BMP7: variants seen among roughly 807,000 people sequenced by gnomAD.
BMP7 encodes the protein osteogenic protein 1.
BMP7 carries 12 observed loss-of-function variants against 41.2 expected under a neutral mutation model. That is an observed-to-expected ratio of 0.29 (90% CI 0.19 to 0.47). BMP7 has a LOEUF of 0.47. BMP7 is among the 20% of genes least tolerant of loss of function. The pLI is 0.99. For missense variants in BMP7, 467 were observed against 606.0 expected (o/e 0.77, Z 2.41); for synonymous variants, 248 against 250.0 (o/e 0.99, Z 0.07).
At chr20:57,216,775 CGAG>C (rs1426144719) in intron 2 of BMP7, among the ~76,000 whole-genome samples, 5 of 152,128 alleles carry the variant, frequency 3.3e-5, no homozygotes, top group African/African-American at 7.2e-5. Context: ...TCCATCTCTC[CGAG>C]GAGGAGTGGA....
rs966631721 is a variant in BMP7 at position 57,176,730 on chromosome 20, A to G, written c.959-1723T>C. ...CTAGCCCACTTGTTAGGGAAATTTG[A>G]AACTACGCACATTCTCCATTCACAC... On this transcript the variant is annotated intron_variant, in intron 4 of 6. Transcript: ENST00000395863. Among the ~76,000 whole-genome samples the G allele has an allele frequency of 3.5e-4, 49 of 138,746 alleles. 1 individual carries two copies. Among genetic ancestry groups the G allele is most frequent in the Non-Finnish European group, 7.1e-4 (46 of 64,790 alleles). 91.0% of individuals were successfully genotyped at this position (138,746 alleles called of 152,430 possible). A position where few individuals can be genotyped will look rare whatever the true frequency, so the allele number is the denominator to read the frequency against.
rs1983790415 is a variant in BMP7, at chr20:57,170,519, A to G, written c.*440T>C. 3.6e-6 allele frequency: 1 copy of G among 274,202 alleles called. No individual in the cohort carries two copies. Among genetic ancestry groups the G allele is most frequent in the East Asian group, 9.3e-5 (1 of 10,748 alleles). 17.0% of individuals were successfully genotyped at this position (274,202 alleles called of 1,614,324 possible). A position where few individuals can be genotyped will look rare whatever the true frequency, so the allele number is the denominator to read the frequency against. On this transcript the variant is annotated 3_prime_UTR_variant, in exon 7 of 7. Coordinates refer to ENST00000395863, the MANE Select transcript of BMP7 (RefSeq NM_001719.3). Reference sequence around the variant, plus strand: ...ATTTTCATTCATTCGTTTTATTGTGACATTTATTACAGGAACTTCCGGGTC... The same window carrying G: ...ATTTTCATTCATTCGTTTTATTGTGGCATTTATTACAGGAACTTCCGGGTC...
chr20:57,223,728 C>G (rs1172320685), intron 2 of BMP7, among the ~76,000 whole-genome samples: 2 of 152,248 alleles, frequency 1.3e-5, no homozygotes, highest in Non-Finnish European at 2.9e-5. Context: ...ACAGTAAGCA[C>G]CACGCAACAA....
intron 2 of BMP7, among the ~76,000 whole-genome samples, chr20:57,204,951 G>A (rs1984698087): frequency 6.6e-6 from 1 of 152,234 alleles, no homozygotes; most frequent in African/African-American, 2.4e-5. Flanking sequence ...GGGATGGATT[G>A]GTGTCTTTAT....
rs201575559 is a variant in BMP7 at position 57,228,391 on chromosome 20, C to T, written c.449G>A (p.Arg150His). Reference protein sequence around the residue: ...VEHDKEFFHPRYHHREFRFDL... With the variant: ...VEHDKEFFHPHYHHREFRFDL... ...AAACCGGAACTCTCGATGGTGGTAG[C>T]GTGGGTGGAAGAATTCCTTGTCATG... is the stretch of plus-strand genomic sequence containing the variant. The change falls in exon 2 of 7, where the codon CGC becomes CAC. Residue 150 changes from arginine to histidine, a missense_variant. Arg to His is a conservative substitution (Grantham distance 29, BLOSUM62 0). Around this residue, in one of 2 missense-constraint regions of BMP7, gnomAD observed 407 missense variants for 485.9 expected, o/e 0.84. Transcript: ENST00000395863. The surrounding 1 kb of genome is among the most constrained non-coding windows in gnomAD (Gnocchi z 4.5). The T allele has an allele frequency of 5.1e-5, 82 of 1,614,120 alleles. No individual in the cohort carries two copies. The highest frequency in any genetic ancestry group is 2.0e-5 in the Non-Finnish European group (24 of 1,180,010).
rs375361238 is a variant in BMP7 at position 57,172,521 on chromosome 20, G to C, written c.1146+679C>G. 2.6e-4 allele frequency among the ~76,000 whole-genome samples: 40 copies of C among 152,276 alleles called. No homozygotes were observed. In the East Asian group the frequency reaches 6.0e-3, roughly 23 times the overall value. ...CTGTCACTAGAAGCATTCAAGGCAG[G>C]GTGGATGATCAGTAGGCAGGAAAGG... On this transcript the variant is annotated intron_variant, in intron 6 of 6. Transcript: ENST00000395863.
At chr20:57,177,916 G>C (rs1983970967) in intron 4 of BMP7, 1 of 152,226 alleles carries the variant, frequency 6.6e-6, no homozygotes, top group Non-Finnish European at 1.5e-5. Flanking sequence ...CTGCTTCCTG[G>C]TGTGCAGGCA....
intron 1 of BMP7, among the ~76,000 whole-genome samples, chr20:57,264,174 A>G (rs559473076): frequency 5.3e-5 from 8 of 152,330 alleles, no homozygotes; most frequent in African/African-American, 9.6e-5. Context: ...ATTATTAAGT[A>G]CAGACAATGG....
intron 2 of BMP7, among the ~76,000 whole-genome samples, chr20:57,205,679 T>C (rs1984713541): frequency 6.6e-6 from 1 of 152,190 alleles, no homozygotes; most frequent in Admixed American, 6.5e-5. Context: ...GGACAGGCCC[T>C]CGAGGACAGT....
chr20:57,216,587 AGGGCGAGGGG>A (rs1985035185), intron 2 of BMP7, among the ~76,000 whole-genome samples: 2 of 145,796 alleles, frequency 1.4e-5, no homozygotes, highest in South Asian at 2.2e-4. Context: ...CTGTCTCTTG[AGGGCGAGGGG>A]CTGTCTCCTG....
Position 57,189,516 on chromosome 20 carries a change from C to T in BMP7, c.761-5597G>A, listed in dbSNP as rs117074892. Reference sequence around the variant, plus strand: ...GGCTGGCCCCATCGCACACGCGTGACGCAGAGACAGGGTGCCATTCCACAT... The same window carrying T: ...GGCTGGCCCCATCGCACACGCGTGATGCAGAGACAGGGTGCCATTCCACAT... On this transcript the variant is annotated intron_variant, in intron 3 of 6. Transcript: ENST00000395863. Among the ~76,000 whole-genome samples the T allele has an allele frequency of 2.7e-3, 413 of 152,360 alleles. 1 individual carries two copies. Among genetic ancestry groups the T allele is most frequent in the Non-Finnish European group, 4.3e-3 (292 of 68,030 alleles).
intron 3 of BMP7, among the ~76,000 whole-genome samples, chr20:57,186,483 A>G (rs140515554): frequency 7.5e-4 from 114 of 152,322 alleles, no homozygotes; most frequent in African/African-American, 2.6e-3. Flanking sequence ...AAAGCCAAAA[A>G]TAAAGCATCC....
At chr20:57,202,963 G>C (rs1984658269) in intron 2 of BMP7, among the ~76,000 whole-genome samples, 2 of 152,174 alleles carry the variant, frequency 1.3e-5, no homozygotes, top group Admixed American at 6.5e-5. Flanking sequence ...GTCTCAGAGA[G>C]CAGAAGTTGA....
chr20:57,193,188 C>T (rs959250265), intron 3 of BMP7, among the ~76,000 whole-genome samples: 14 of 152,300 alleles, frequency 9.2e-5, no homozygotes, highest in Middle Eastern at 6.8e-3. Flanking sequence ...GTACAGACGC[C>T]GGTACCCAGC....
chr20:57,175,055 A>AAG, intron 4 of BMP7, 48 bp from the exon 5 acceptor site: 6 of 1,560,632 alleles, frequency 3.8e-6, no homozygotes, highest in Non-Finnish European at 5.2e-6. Flanking sequence ...AGGAGAAAGA[A>AAG]ACACACACAC....
At chr20:57,200,875 C>G (rs935224116) in intron 3 of BMP7, among the ~76,000 whole-genome samples, 3 of 152,168 alleles carry the variant, frequency 2.0e-5, no homozygotes, top group Non-Finnish European at 4.4e-5. Flanking sequence ...ACCTACACAC[C>G]AAGGTTTCCC....
At chr20:57,256,979 G>A (rs1657261560) in intron 1 of BMP7, among the ~76,000 whole-genome samples, 1 of 152,104 alleles carries the variant, frequency 6.6e-6, no homozygotes, top group Admixed American at 6.5e-5. Context: ...AATTTTTGAA[G>A]TTAGAAAGTC....
chr20:57,266,233 C>G lies in BMP7; in HGVS notation c.-111G>C. ...CGCTCGGTCACTTGCTGCAGACGGG[C>G]CCCGCTGCGCCCGCGCCAGACATGG... On this transcript the variant is annotated 5_prime_UTR_variant, in exon 1 of 7. Transcript: ENST00000395863. The G allele has an allele frequency of 8.9e-7, 1 of 1,118,754 alleles. No individual in the cohort carries two copies. Among genetic ancestry groups the G allele is most frequent in the Non-Finnish European group, 1.2e-6 (1 of 861,008 alleles). 69.3% of individuals were successfully genotyped at this position (1,118,754 alleles called of 1,614,324 possible). A position where few individuals can be genotyped will look rare whatever the true frequency, so the allele number is the denominator to read the frequency against.
At chr20:57,177,332 GGCT>G (rs2123060326) in intron 4 of BMP7, among the ~76,000 whole-genome samples, 1 of 149,074 alleles carries the variant, frequency 6.7e-6, no homozygotes, top group East Asian at 2.0e-4. Context: ...CTGAAAAGCA[GGCT>G]GCTTTTATTT....
Sources: allele counts gnomAD v4.1 joint callset (sites outside exome capture counted in the v4.1 genomes callset), GRCh38; gene constraint gnomAD v4.1.1; regional missense constraint gnomAD v4.1.1; non-coding constraint Gnocchi (gnomAD v3.1); transcripts MANE v1.5; gene names NCBI Gene and HGNC (gene_info 2026-07-23, HGNC 2026-07-21).